ARSF: variants seen among roughly 807,000 people sequenced by gnomAD.
The protein encoded by ARSF is arylsulfatase F.
ARSF carries 33 observed loss-of-function variants against 35.4 expected under a neutral mutation model. The observed-to-expected ratio is 0.93, with a 90% CI of 0.71 to 1.25. The LOEUF (loss-of-function observed/expected upper bound fraction) is 1.25. Among genes scored for constraint, ARSF ranks in the 50% most tolerant of loss-of-function variants. ARSF has a pLI of 0.00. For missense variants in ARSF, 501 were observed against 480.2 expected (o/e 1.04, Z -0.40); for synonymous variants, 222 against 193.1 (o/e 1.15, Z -1.24).
At position 3,070,938 on chromosome X, in the gene ARSF, GGTGTGT is replaced by G. The variant is rs36129786; in HGVS notation, c.12-1059_12-1054del. On this transcript the variant is annotated intron_variant, in intron 2 of 10. Coordinates refer to ENST00000381127, the MANE Select transcript of ARSF (RefSeq NM_001201539.2). ...TTTTTATGGCTGAGTAGTATTCCAT[GGTGTGT>G]GTGTGTGTGTGTGTGTGTGTGTGTG... Among the ~76,000 whole-genome samples, 847 of 95,135 alleles carry G rather than the reference GGTGTGT, an allele frequency of 8.9e-3. 8 individuals are homozygous for G. Among genetic ancestry groups the G allele is most frequent in the African/African-American group, 0.028 (720 of 25,880 alleles). 82.6% of individuals were successfully genotyped at this position (95,135 alleles called of 115,157 possible). A position where few individuals can be genotyped will look rare whatever the true frequency, so the allele number is the denominator to read the frequency against.
At chrX:3,094,595 G>GT (rs2090326878) in intron 7 of ARSF, among the ~76,000 whole-genome samples, 3 of 111,651 alleles carry the variant, frequency 2.7e-5, no homozygotes, top group African/African-American at 9.7e-5. Context: ...AGATAAGAAA[G>GT]TAAAATGTGC....
At chrX:3,042,761 G>A (rs781519269) in intron 1 of ARSF, among the ~76,000 whole-genome samples, 60 of 111,116 alleles carry the variant, frequency 5.4e-4, no homozygotes, top group African/African-American at 1.7e-3. Context: ...GCCTCCCAAA[G>A]TGCTGGGATA....
chrX:3,093,782 G>C (rs1340307094), intron 7 of ARSF, among the ~76,000 whole-genome samples: 1 of 111,763 alleles, frequency 8.9e-6, no homozygotes, highest in Admixed American at 9.5e-5. Context: ...TCAGAGGGTA[G>C]TTCTGTTTTA....
At chrX:3,083,037 A>T (rs2090214092) in intron 5 of ARSF, among the ~76,000 whole-genome samples, 1 of 109,919 alleles carries the variant, frequency 9.1e-6, no homozygotes. Flanking sequence ...CTATCTATCC[A>T]TTCATCTATC....
chrX:3,098,988 G>T (rs1255804311), intron 7 of ARSF, among the ~76,000 whole-genome samples: 1 of 110,141 alleles, frequency 9.1e-6, no homozygotes, highest in African/African-American at 3.3e-5. Context: ...CCAATTGTTA[G>T]CAATTTATCA....
upstream of ARSF, among the ~76,000 whole-genome samples, chrX:3,040,267 C>T (rs1466308880): frequency 8.1e-5 from 9 of 111,260 alleles, no homozygotes; most frequent in South Asian, 1.9e-3. Context: ...CGCAGTTGCC[C>T]GAACCCGGAG....
intron 1 of ARSF, among the ~76,000 whole-genome samples, chrX:3,046,416 G>T (rs1261647505): frequency 3.6e-5 from 4 of 111,258 alleles, no homozygotes; most frequent in African/African-American, 1.3e-4. Context: ...TTCTGCCAAG[G>T]ACTCTTTTAC....
In ARSF at chrX:3,103,929, T is replaced by A; in HGVS notation, c.1265+5T>A. 1 of 1,209,120 alleles carries A rather than the reference T, an allele frequency of 8.3e-7. No homozygotes were observed. The highest frequency in any genetic ancestry group is 1.1e-6 in the Non-Finnish European group (1 of 893,852). ...AGGAAGTCTCCCTCAGGACAGGTGA[T>A]GTCATATAAACTGTTAACAAGAGCT... On this transcript the variant is annotated splice_donor_5th_base_variant and intron_variant, in intron 9 of 10. Coordinates refer to ENST00000381127, the MANE Select transcript of ARSF (RefSeq NM_001201539.2).
At chrX:3,063,413 T>C (rs1418069751) in intron 1 of ARSF, among the ~76,000 whole-genome samples, 1 of 111,549 alleles carries the variant, frequency 9.0e-6, no homozygotes, top group African/African-American at 3.3e-5. Context: ...GATGCTCTCT[T>C]TCACCACTCC....
At chrX:3,066,977 A>G (rs2090070052) in intron 1 of ARSF, 1 of 101,272 alleles carries the variant, frequency 9.9e-6, no homozygotes, top group Non-Finnish European at 2.0e-5. Context: ...GACCTATTGT[A>G]TTCTGAAACT....
intron 3 of ARSF, among the ~76,000 whole-genome samples, chrX:3,076,239 C>T (rs2090148310): frequency 9.2e-6 from 1 of 109,066 alleles, no homozygotes; most frequent in Admixed American, 1.0e-4. Context: ...CTGTTTCTCT[C>T]TGTGTGTCTT....
In ARSF at chrX:3,080,911, A is replaced by G. The variant is rs1256817294; in HGVS notation, c.304A>G (p.Arg102Gly). ...TCTAGGTATGGTTTCTAGTGGTAAT[A>G]GACGTGTCATCCAAAATCTTGCAGT... ...IRSGMVSSGN[R>G]RVIQNLAVPA... is the part of the protein sequence containing the mutation. The change falls in exon 5 of 11, where the codon AGA becomes GGA. Residue 102 changes from arginine to glycine, a missense_variant. By Grantham distance (125) the Arg-to-Gly change is moderately radical. Coordinates refer to ENST00000381127, the MANE Select transcript of ARSF (RefSeq NM_001201539.2). 9.1e-6 allele frequency: 11 copies of G among 1,211,742 alleles called. No individual in the cohort carries two copies. The highest frequency in any genetic ancestry group is 1.2e-5 in the Non-Finnish European group (11 of 895,397).
intron 7 of ARSF, among the ~76,000 whole-genome samples, chrX:3,098,508 A>T (rs1465261179): frequency 9.0e-6 from 1 of 110,606 alleles, no homozygotes; most frequent in African/African-American, 3.3e-5. Flanking sequence ...TTTCCCCCAT[A>T]GTGTTCTCAT....
chrX:3,112,077 C>G (rs900641689), intron 10 of ARSF, 97 bp from the exon 11 acceptor site: 1 of 697,490 alleles, frequency 1.4e-6, no homozygotes, highest in Non-Finnish European at 2.1e-6. Flanking sequence ...AGTTTGTGGC[C>G]TGGGGACTGG....
At chrX:3,043,910 C>T (rs921817907) in intron 1 of ARSF, among the ~76,000 whole-genome samples, 1 of 111,043 alleles carries the variant, frequency 9.0e-6, no homozygotes, top group South Asian at 3.8e-4. Flanking sequence ...CTCAGCCATC[C>T]ATGTAGCTGG....
At position 3,085,217 on chromosome X, in the gene ARSF, G is replaced by A. The variant is rs189425074; in HGVS notation, c.830+551G>A. 4.6e-3 allele frequency among the ~76,000 whole-genome samples: 495 copies of A among 108,671 alleles called. 3 individuals are homozygous for A. The highest frequency in any genetic ancestry group is 0.015 in the African/African-American group (463 of 29,991). 94.4% of individuals were successfully genotyped at this position (108,671 alleles called of 115,157 possible). A position where few individuals can be genotyped will look rare whatever the true frequency, so the allele number is the denominator to read the frequency against. Reference sequence around the variant, plus strand: ...TAACTTAAACTCACAAATTGTTTACGTTAATTTACAATGCATCTTGTCATC... The same window carrying A: ...TAACTTAAACTCACAAATTGTTTACATTAATTTACAATGCATCTTGTCATC... On this transcript the variant is annotated intron_variant, in intron 6 of 10. Transcript: ENST00000381127.
At chrX:3,111,929 T>A (rs1053401069) in intron 10 of ARSF, among the ~76,000 whole-genome samples, 3 of 110,650 alleles carry the variant, frequency 2.7e-5, no homozygotes, top group African/African-American at 9.9e-5. Flanking sequence ...GCCACTGATA[T>A]CTGACAGGAG....
At chrX:3,062,147 C>A (rs1448725905) in intron 1 of ARSF, among the ~76,000 whole-genome samples, 5 of 108,697 alleles carry the variant, frequency 4.6e-5, no homozygotes, top group Admixed American at 2.0e-4. Context: ...GATTAAGAAA[C>A]TCACTCAAAA....
chrX:3,075,797 T>G (rs2090142481), intron 3 of ARSF, among the ~76,000 whole-genome samples: 1 of 108,322 alleles, frequency 9.2e-6, no homozygotes, highest in African/African-American at 3.4e-5. Context: ...ATCCATTTCT[T>G]TCTGTGTCTT....
Sources: allele counts gnomAD v4.1 joint callset (sites outside exome capture counted in the v4.1 genomes callset), GRCh38; gene constraint gnomAD v4.1.1; transcripts MANE v1.5; gene names NCBI Gene and HGNC (gene_info 2026-07-23, HGNC 2026-07-21).